Variants in RGL1 observed in about 807,000 individuals in gnomAD.
RGL1 encodes ral guanine nucleotide dissociation stimulator like 1, also known as ral guanine nucleotide dissociation stimulator-like 1.
Under a neutral mutation model 95.2 loss-of-function variants are expected in RGL1, and 24 were observed. That is an observed-to-expected ratio of 0.25 (90% CI 0.18 to 0.35). The LOEUF (loss-of-function observed/expected upper bound fraction) is 0.35, where lower values mean the gene tolerates loss of function less well. Among genes scored for constraint, RGL1 ranks in the 10% least tolerant of loss-of-function variants. The probability of loss-of-function intolerance (pLI) is 1.00; values close to 1 mark genes in which losing one functional copy is unlikely to be tolerated. For synonymous variants in RGL1, 329 were observed against 344.9 expected (o/e 0.95, Z 0.51); for missense variants, 715 against 936.3 (o/e 0.76, Z 3.08).
intron 11 of RGL1, 41 bp downstream of exon 11, chr1:183,900,277 C>T: frequency 6.8e-7 from 1 of 1,475,782 alleles, no homozygotes; most frequent in South Asian, 1.1e-5. Flanking sequence ...CTGCAGCCTT[C>T]CCACTGGATA....
At chr1:183,805,872 T>C (rs1252315458) in intron 1 of RGL1, among the ~76,000 whole-genome samples, 2 of 152,062 alleles carry the variant, frequency 1.3e-5, no homozygotes, top group Non-Finnish European at 2.9e-5. Context: ...AACACTTGTT[T>C]GTGTCTGAGT....
chr1:183,796,326 G>A (rs1166783615), intron 2 of RGL1, among the ~76,000 whole-genome samples: 8 of 151,986 alleles, frequency 5.3e-5, no homozygotes, highest in Non-Finnish European at 1.2e-4. Flanking sequence ...ACCACACCCA[G>A]CTAATTTTTG....
chr1:183,910,463 C>G (rs886127305), intron 14 of RGL1, among the ~76,000 whole-genome samples: 1 of 152,208 alleles, frequency 6.6e-6, no homozygotes, highest in Non-Finnish European at 1.5e-5. Flanking sequence ...TAGTCTTACC[C>G]TATTCAGGAC....
chr1:183,852,066 T>G (rs1664857668), intron 3 of RGL1, among the ~76,000 whole-genome samples: 1 of 152,234 alleles, frequency 6.6e-6, no homozygotes, highest in South Asian at 2.1e-4. Context: ...TGAGACGCTA[T>G]TACAGCATGT....
At chr1:183,740,122 T>G (rs775290944) in intron 1 of RGL1, among the ~76,000 whole-genome samples, 82 of 152,254 alleles carry the variant, frequency 5.4e-4, no homozygotes, top group Non-Finnish European at 7.9e-4. Context: ...CCTTTCCTAC[T>G]AATCTGGCCT....
chr1:183,921,567 C>G (rs1669310182), intron 16 of RGL1, among the ~76,000 whole-genome samples: 3 of 152,154 alleles, frequency 2.0e-5, no homozygotes, highest in Non-Finnish European at 4.4e-5. Context: ...GTTCTTAGTT[C>G]CCTTCAGTTG....
chr1:183,653,542 C>G (rs985508850), intron 1 of RGL1, among the ~76,000 whole-genome samples: 1 of 152,206 alleles, frequency 6.6e-6, no homozygotes, highest in Non-Finnish European at 1.5e-5. Flanking sequence ...TCCTCAGCAC[C>G]TTTCTCCTGG....
intron 10 of RGL1, among the ~76,000 whole-genome samples, chr1:183,898,678 C>CT (rs1438416497): frequency 6.6e-6 from 1 of 151,984 alleles, no homozygotes; most frequent in South Asian, 2.1e-4. Context: ...GTGTTACAAA[C>CT]TTTTTTGGTT....
chr1:183,803,942 A>G (rs3814327), upstream of RGL1, among the ~76,000 whole-genome samples: 37,204 of 151,926 alleles, frequency 0.24, 5,416 homozygotes, highest in Middle Eastern at 0.35. Context: ...CAGCTTGCTA[A>G]AAGGGCATCT....
exon 1 of RGL1, chr1:183,636,119 G>C (rs1649512893): frequency 2.5e-6 from 1 of 399,478 alleles, no homozygotes; most frequent in African/African-American, 2.1e-5. Flanking sequence ...AGATTGGCGG[G>C]GATGGGCAGC....
chr1:183,698,234 G>A (rs7553722), intron 1 of RGL1, among the ~76,000 whole-genome samples: 72,207 of 152,052 alleles, frequency 0.47, 17,789 homozygotes, highest in East Asian at 0.76. Context: ...ACACCCTGGT[G>A]GGCTCAGCCC....
At chr1:183,743,274 A>G (rs995741273) in intron 2 of RGL1, among the ~76,000 whole-genome samples, 5 of 152,142 alleles carry the variant, frequency 3.3e-5, no homozygotes, top group East Asian at 1.9e-4. Context: ...TCTGCCTTCC[A>G]AAGCACTGGG....
chr1:183,888,608 T>C, intron 8 of RGL1, 31 bp downstream of exon 8: 1 of 1,403,154 alleles, frequency 7.1e-7, no homozygotes, highest in South Asian at 1.2e-5. Context: ...TCTGCTTTTC[T>C]TTGGCCGGGA....
chr1:183,766,962 T>C (rs756614671), intron 2 of RGL1, among the ~76,000 whole-genome samples: 1 of 152,052 alleles, frequency 6.6e-6, no homozygotes, highest in African/African-American at 2.4e-5. Flanking sequence ...ACCCCTGTAA[T>C]CCTAGCACTT....
At chr1:183,862,418 C>T (rs1460629852) in intron 3 of RGL1, among the ~76,000 whole-genome samples, 2 of 152,200 alleles carry the variant, frequency 1.3e-5, no homozygotes, top group Non-Finnish European at 2.9e-5. Flanking sequence ...ATCTCCATCC[C>T]AGTCCATTAA....
At chr1:183,895,440 G>A (rs528322389) in intron 9 of RGL1, among the ~76,000 whole-genome samples, 2 of 152,124 alleles carry the variant, frequency 1.3e-5, no homozygotes, top group African/African-American at 4.8e-5. Context: ...GAGAGAGAGA[G>A]GGAGAAGGAG....
intron 1 of RGL1, among the ~76,000 whole-genome samples, chr1:183,711,567 A>T (rs1338416360): frequency 6.6e-6 from 1 of 152,156 alleles, no homozygotes; most frequent in African/African-American, 2.4e-5. Context: ...AGTAAGGTTG[A>T]ATGGGGTACA....
intron 1 of RGL1, chr1:183,648,493 T>C (rs1475872150): frequency 1.9e-6 from 3 of 1,614,226 alleles, no homozygotes; most frequent in Non-Finnish European, 2.5e-6. Context: ...TCAAAGAGCA[T>C]TGATTCTGGA....
Position 183,900,364 on chromosome 1 carries a change from G to A in RGL1, c.1317+128G>A, listed in dbSNP as rs575777617. On this transcript the variant is annotated intron_variant, in intron 11 of 17. Coordinates refer to ENST00000360851, the MANE Select transcript of RGL1 (RefSeq NM_001297671.3). ...ATGGCATTGTGCTAGCTGTTAGGAGGAATACAAAGAATAACACCAAAGACT... is the reference window on the plus strand; with the variant it reads ...ATGGCATTGTGCTAGCTGTTAGGAGAAATACAAAGAATAACACCAAAGACT... 20 of 631,580 alleles carry A rather than the reference G, an allele frequency of 3.2e-5. 1 individual carries two copies. In the Admixed American group the frequency reaches 5.3e-4, roughly 17 times the overall value. The allele number at this position is 631,580 out of a possible 1,614,324, so 39.1% of individuals were successfully genotyped here.
Sources: allele counts gnomAD v4.1 joint callset (sites outside exome capture counted in the v4.1 genomes callset), GRCh38; gene constraint gnomAD v4.1.1; transcripts MANE v1.5; gene names NCBI Gene and HGNC (gene_info 2026-07-23, HGNC 2026-07-21).